Variants in ZBTB17 observed in about 807,000 individuals in gnomAD.
ZBTB17 encodes the protein zinc finger and BTB domain containing 17.
ZBTB17 carries 24 observed loss-of-function variants against 85.1 expected under a neutral mutation model. That is an observed-to-expected ratio of 0.28 (90% CI 0.20 to 0.40). The LOEUF is 0.40. Ranked by LOEUF, ZBTB17 falls within the 10% of genes least tolerant of loss-of-function variation. ZBTB17 has a pLI of 1.00. For synonymous variants in ZBTB17, 464 were observed against 460.2 expected (o/e 1.01, Z -0.11); for missense variants, 743 against 1,105.1 (o/e 0.67, Z 4.65).
intron 2 of ZBTB17, among the ~76,000 whole-genome samples, chr1:15,961,694 A>T (rs2072264642): frequency 6.6e-6 from 1 of 152,216 alleles, no homozygotes; most frequent in Admixed American, 6.5e-5. Context: ...GCGATCAATC[A>T]GCAAAGCTGC....
rs375932056 is a variant in ZBTB17 at position 15,947,166 on chromosome 1, C to T, written c.206-43G>A. ...GCTGTCACAGACCCACCTCAAGATC[C>T]GGCACCGGCAGCCTGCCCCACCACT... On this transcript the variant is annotated intron_variant, in intron 3 of 15. Coordinates refer to ENST00000375743, the MANE Select transcript of ZBTB17 (RefSeq NM_003443.3). 9.0e-6 allele frequency: 14 copies of T among 1,559,672 alleles called. No homozygotes were observed. The African/African-American group carries it at 9.5e-5, about 11-fold the overall frequency.
intron 2 of ZBTB17, among the ~76,000 whole-genome samples, chr1:15,970,724 T>G (rs1032248216): frequency 1.3e-5 from 2 of 152,156 alleles, no homozygotes; most frequent in African/African-American, 4.8e-5. Context: ...AATTTTTGTA[T>G]TTTTAGTAGA....
Position 15,944,408 on chromosome 1 carries a change from G to T in ZBTB17, c.1263C>A (p.Asp421Glu). The T allele has an allele frequency of 6.4e-7, 1 of 1,565,212 alleles. No individual in the cohort carries two copies. Among genetic ancestry groups the T allele is most frequent in the Non-Finnish European group, 8.7e-7 (1 of 1,155,406 alleles). ...VHSGEKPYQCDYCGRSFSDPT... is the reference protein window; with the variant it reads ...VHSGEKPYQCEYCGRSFSDPT... ...GGTCGGAGAAGGAGCGGCCGCAGTA[G>T]TCGCACTGGTAGGGCTTCTCGCCGC... Residue 421 changes from aspartate to glutamate, a missense_variant, in exon 9 of 16, where the codon GAC (aspartate) becomes GAA (glutamate). By Grantham distance (45) the Asp-to-Glu change is conservative (BLOSUM62 2). Transcript: ENST00000375743.
At chr1:15,975,604 C>T (rs1248091335) in intron 1 of ZBTB17, among the ~76,000 whole-genome samples, 1 of 152,026 alleles carries the variant, frequency 6.6e-6, no homozygotes, top group Non-Finnish European at 1.5e-5. Flanking sequence ...ACAGGAGCTG[C>T]CCCGGCACTG....
At chr1:15,960,263 C>T (rs1321181258) in intron 2 of ZBTB17, among the ~76,000 whole-genome samples, 2 of 152,174 alleles carry the variant, frequency 1.3e-5, no homozygotes, top group Non-Finnish European at 2.9e-5. Context: ...CACCTCAATT[C>T]CTCTTCTGTA....
intron 15 of ZBTB17, 25 bp from the exon 16 acceptor site, chr1:15,942,277 A>T (rs1191154400): frequency 6.2e-7 from 1 of 1,613,470 alleles, no homozygotes; most frequent in Non-Finnish European, 8.5e-7. Context: ...CAGCAGTCAG[A>T]GTGGGAAGGA....
intron 13 of ZBTB17, 85 bp from the exon 14 acceptor site, chr1:15,942,823 C>A: frequency 1.1e-5 from 16 of 1,511,728 alleles, no homozygotes; most frequent in Non-Finnish European, 1.4e-5. Context: ...GTTTGCCCAG[C>A]AACCCTGTCT....
intron 2 of ZBTB17, among the ~76,000 whole-genome samples, chr1:15,958,740 C>G (rs2072143027): frequency 6.6e-6 from 1 of 152,156 alleles, no homozygotes; most frequent in Non-Finnish European, 1.5e-5. Flanking sequence ...ACGACGTGAC[C>G]ACACCTAAAG....
chr1:15,942,999 C>T, intron 13 of ZBTB17, 65 bp downstream of exon 13: 1 of 1,596,102 alleles, frequency 6.3e-7, no homozygotes, highest in Non-Finnish European at 8.6e-7. Flanking sequence ...TCCCTTCCTT[C>T]CCCCTGCTCC....
chr1:15,971,438 CTA>C lies in ZBTB17; in HGVS notation c.-3+1599_-3+1600del, dbSNP rs1196084594. 1.1e-3 allele frequency among the ~76,000 whole-genome samples: 94 copies of C among 87,892 alleles called. 1 individual carries two copies. The highest frequency in any genetic ancestry group is 1.9e-3 in the South Asian group (5 of 2,566). 57.7% of individuals were successfully genotyped at this position (87,892 alleles called of 152,430 possible). A position where few individuals can be genotyped will look rare whatever the true frequency, so the allele number is the denominator to read the frequency against. ...CACACTATATATATATACACACACA[CTA>C]TATATATACACACACACTATATATA... On this transcript the variant is annotated intron_variant, in intron 2 of 15. Coordinates refer to ENST00000375743, the MANE Select transcript of ZBTB17 (RefSeq NM_003443.3).
In ZBTB17 at chr1:15,941,940, TTAAA is replaced by T. The variant is rs199620366; in HGVS notation, c.*25_*28del. 2.9e-3 allele frequency: 4,643 copies of T among 1,574,684 alleles called. 207 individuals are homozygous for T. The Admixed American group carries it at 0.072, about 24-fold the overall frequency. Reference sequence around the variant, plus strand: ...CCCGGTTCCAGGGTGCCATCCATCCTTAAATAAACAGTCAGAAGGGCCGCCAGCT... The same window carrying T: ...CCCGGTTCCAGGGTGCCATCCATCCTTAAACAGTCAGAAGGGCCGCCAGCT... On this transcript the variant is annotated 3_prime_UTR_variant, in exon 16 of 16. Coordinates refer to ENST00000375743, the MANE Select transcript of ZBTB17 (RefSeq NM_003443.3).
At chr1:15,974,063 C>T (rs1415956625) in intron 1 of ZBTB17, among the ~76,000 whole-genome samples, 3 of 151,802 alleles carry the variant, frequency 2.0e-5, no homozygotes, top group Non-Finnish European at 4.4e-5. Flanking sequence ...TTATGGTGCA[C>T]GCCTGTAGTC....
rs2071847485 is a variant in ZBTB17 at position 15,951,650 on chromosome 1, A to G, written c.-2-3153T>C. Among the ~76,000 whole-genome samples, 1 of 152,170 alleles carries G rather than the reference A, an allele frequency of 6.6e-6. No individual in the cohort carries two copies. The highest frequency in any genetic ancestry group is 6.5e-5 in the Admixed American group (1 of 15,278). ...GTCCTTCCCTCTGAGGGGCTGAGCT[A>G]GAACTAGGCAGTCCCCCACCTCCAA... On this transcript the variant is annotated intron_variant, in intron 2 of 15. Transcript: ENST00000375743. The surrounding 1 kb of genome is among the most constrained non-coding windows in gnomAD (Gnocchi z 4.1).
intron 1 of ZBTB17, among the ~76,000 whole-genome samples, chr1:15,975,622 T>A (rs2072844280): frequency 6.8e-6 from 1 of 146,126 alleles, no homozygotes; most frequent in African/African-American, 2.5e-5. Context: ...CTGCGCTCCC[T>A]CGCGGCCGCA....
Position 15,966,200 on chromosome 1 carries a change from G to C in ZBTB17, c.-3+6839C>G, listed in dbSNP as rs1369241113. On this transcript the variant is annotated intron_variant, in intron 2 of 15. Coordinates refer to ENST00000375743, the MANE Select transcript of ZBTB17 (RefSeq NM_003443.3). This position sits in a 1 kb window ranked among gnomAD's most constrained non-coding sequence, Gnocchi z 4.1. ...GGCCCCGAGACTACAGAAATGAGAA[G>C]TGCTTTGCTCTCTGAGCTCTGGTGA... Among the ~76,000 whole-genome samples the C allele has an allele frequency of 6.6e-6, 1 of 152,204 alleles. No individual in the cohort carries two copies.
Position 15,949,092 on chromosome 1 carries a change from A to G in ZBTB17, c.-2-595T>C, listed in dbSNP as rs77785278. ...CTAGCTCTCCCTCTCTTTCTGATTC[A>G]TGGGAACTACCTAGAGTTGCGGAGT... is the stretch of plus-strand genomic sequence containing the variant. On this transcript the variant is annotated intron_variant, in intron 2 of 15. Transcript: ENST00000375743. Among the ~76,000 whole-genome samples the G allele has an allele frequency of 1.8e-4, 28 of 152,130 alleles. No individual in the cohort carries two copies. The East Asian group carries it at 4.8e-3, about 26-fold the overall frequency.
At chr1:15,969,775 C>T (rs904716696) in intron 2 of ZBTB17, 11 of 506,806 alleles carry the variant, frequency 2.2e-5, no homozygotes, top group East Asian at 9.7e-5. Context: ...TCAAACAATG[C>T]GTGGACGAGA....
intron 9 of ZBTB17, 86 bp from the exon 10 acceptor site, chr1:15,943,981 G>T: frequency 1.5e-6 from 2 of 1,331,460 alleles, no homozygotes; most frequent in Non-Finnish European, 2.1e-6. Context: ...AGGAACAATT[G>T]ACTCTCAGGC....
In ZBTB17 at chr1:15,952,420, A is replaced by G. The variant is rs1460161331; in HGVS notation, c.-2-3923T>C. Among the ~76,000 whole-genome samples, 3 of 152,230 alleles carry G rather than the reference A, an allele frequency of 2.0e-5. No individual in the cohort carries two copies. Among genetic ancestry groups the G allele is most frequent in the African/African-American group, 7.2e-5 (3 of 41,460 alleles). Reference sequence around the variant, plus strand: ...CCGGACAGGCACACTGACACAGCGGAACAGACGCGGCAGAACCGACACGGC... The same window carrying G: ...CCGGACAGGCACACTGACACAGCGGGACAGACGCGGCAGAACCGACACGGC... On this transcript the variant is annotated intron_variant, in intron 2 of 15. Coordinates refer to ENST00000375743, the MANE Select transcript of ZBTB17 (RefSeq NM_003443.3). This position sits in a 1 kb window ranked among gnomAD's most constrained non-coding sequence, Gnocchi z 4.3.
Sources: gnomAD v4.1 joint callset for allele counts (sites outside exome capture counted in the v4.1 genomes callset) on GRCh38, gnomAD v4.1.1 for gene constraint, Gnocchi (gnomAD v3.1) non-coding constraint, MANE v1.5 for transcripts, NCBI Gene and HGNC (gene_info 2026-07-23, HGNC 2026-07-21) for gene names.